The following EXT1 variants were observed in gnomAD, a reference collection of about 807,000 sequenced individuals.
The protein encoded by EXT1 is exostosin-1.
A neutral mutation model predicts 82.5 loss-of-function variants in EXT1; 20 were observed. That is an observed-to-expected ratio of 0.24 (90% CI 0.17 to 0.35). The LOEUF (loss-of-function observed/expected upper bound fraction) is 0.35, where lower values mean the gene tolerates loss of function less well. Among genes scored for constraint, EXT1 ranks in the 10% least tolerant of loss-of-function variants. The pLI is 1.00. For synonymous variants in EXT1, 348 were observed against 350.8 expected (o/e 0.99, Z 0.09); for missense variants, 757 against 936.5 (o/e 0.81, Z 2.50).
chr8:118,027,604 T>C (rs1195914755), intron 1 of EXT1, among the ~76,000 whole-genome samples: 2 of 152,210 alleles, frequency 1.3e-5, no homozygotes, highest in African/African-American at 2.4e-5. Context: ...CACACAAGCT[T>C]GTGCTAAGCT....
intron 1 of EXT1, among the ~76,000 whole-genome samples, chr8:117,902,519 C>G (rs529452879): frequency 6.6e-6 from 1 of 152,268 alleles, no homozygotes; most frequent in South Asian, 2.1e-4. Flanking sequence ...TTTCTCAGTT[C>G]CATTAAGATC....
Position 117,912,537 on chromosome 8 carries a change from G to A in EXT1, c.963-75336C>T, listed in dbSNP as rs184449915. The stretch of plus-strand genomic sequence containing the variant: ...AAACCATGGGCTTACAAGAGATCAA[G>A]CTGAGTCTGGGATGCAGGCTTCCTA... On this transcript the variant is annotated intron_variant, in intron 1 of 10. Transcript: ENST00000378204. Among the ~76,000 whole-genome samples, 22 of 152,280 alleles carry A rather than the reference G, an allele frequency of 1.4e-4. No homozygotes were observed. The East Asian group carries it at 4.2e-3, about 29-fold the overall frequency.
At chr8:117,817,588 G>A (rs913069781) in intron 7 of EXT1, among the ~76,000 whole-genome samples, 5 of 152,062 alleles carry the variant, frequency 3.3e-5, no homozygotes, top group African/African-American at 7.2e-5. Context: ...GCATGCAAAC[G>A]GGGGCTTAAA....
At chr8:117,904,268 C>A (rs566012835) in intron 1 of EXT1, among the ~76,000 whole-genome samples, 1 of 152,168 alleles carries the variant, frequency 6.6e-6, no homozygotes, top group Non-Finnish European at 1.5e-5. Flanking sequence ...AAAGCAGTTC[C>A]TATAACAAAC....
chr8:117,997,120 A>G (rs1234634233), intron 1 of EXT1, among the ~76,000 whole-genome samples: 3 of 151,936 alleles, frequency 2.0e-5, no homozygotes, highest in Non-Finnish European at 4.4e-5. Context: ...AAAATCCTCA[A>G]TTGCAATGAA....
intron 1 of EXT1, among the ~76,000 whole-genome samples, chr8:117,992,438 T>TA (rs142840509): frequency 0.05 from 2,643 of 52,994 alleles, 76 homozygotes; most frequent in Non-Finnish European, 0.055. Flanking sequence ...TTCAACTAGC[T>TA]AAAAAAAAAA....
In EXT1 at chr8:118,081,406, T is replaced by C. The variant is rs530798335; in HGVS notation, c.962+28679A>G. 6.2e-4 allele frequency among the ~76,000 whole-genome samples: 95 copies of C among 152,342 alleles called. 2 individuals carry two copies. The South Asian group carries it at 0.019, about 31-fold the overall frequency. ...TCTTTGTTTTAGCTCCAAGTAGATA[T>C]ACTATGCATAGATAACTGCTTCTAA... On this transcript the variant is annotated intron_variant, in intron 1 of 10. Coordinates refer to ENST00000378204, the MANE Select transcript of EXT1 (RefSeq NM_000127.3).
intron 1 of EXT1, among the ~76,000 whole-genome samples, chr8:118,070,611 C>A (rs1049337313): frequency 6.6e-6 from 1 of 152,078 alleles, no homozygotes; most frequent in African/African-American, 2.4e-5. Flanking sequence ...TGCAAATAAT[C>A]TTTTAAACTT....
chr8:117,881,322 T>C (rs143433408), intron 1 of EXT1, among the ~76,000 whole-genome samples: 2 of 152,288 alleles, frequency 1.3e-5, no homozygotes, highest in South Asian at 2.1e-4. Flanking sequence ...AAAAGAATAT[T>C]TGGGACTAGG....
intron 1 of EXT1, among the ~76,000 whole-genome samples, chr8:118,012,422 G>A (rs1465778816): frequency 6.6e-6 from 1 of 152,224 alleles, no homozygotes; most frequent in African/African-American, 2.4e-5. Flanking sequence ...AGCTTCCTAA[G>A]GCTAGATGGA....
intron 7 of EXT1, among the ~76,000 whole-genome samples, chr8:117,815,366 C>T (rs775581911): frequency 6.6e-6 from 1 of 152,180 alleles, no homozygotes; most frequent in African/African-American, 2.4e-5. Context: ...TCATCATCTG[C>T]CCAACCACAG....
At chr8:117,825,255 G>T (rs976524955) in intron 4 of EXT1, among the ~76,000 whole-genome samples, 4 of 152,208 alleles carry the variant, frequency 2.6e-5, no homozygotes, top group South Asian at 4.2e-4. Flanking sequence ...TTTCTAAAAG[G>T]TTTATATCAA....
intron 1 of EXT1, among the ~76,000 whole-genome samples, chr8:118,061,567 A>G (rs1816881798): frequency 6.6e-6 from 1 of 152,356 alleles, no homozygotes; most frequent in Non-Finnish European, 1.5e-5. Context: ...ATGTCCAAAC[A>G]TAAAAAGGTA....
chr8:118,093,099 G>A (rs1201624197), intron 1 of EXT1, among the ~76,000 whole-genome samples: 4 of 151,972 alleles, frequency 2.6e-5, no homozygotes, highest in Non-Finnish European at 4.4e-5. Context: ...CTCCAAGTCA[G>A]TGAACTAGAA....
chr8:117,816,772 A>C (rs1250728158), intron 7 of EXT1, among the ~76,000 whole-genome samples: 1 of 152,232 alleles, frequency 6.6e-6, no homozygotes, highest in African/African-American at 2.4e-5. Context: ...TACCTAAAGA[A>C]ATCAGAATGG....
intron 1 of EXT1, among the ~76,000 whole-genome samples, chr8:117,992,561 A>C (rs919448261): frequency 6.6e-6 from 1 of 152,088 alleles, no homozygotes; most frequent in African/African-American, 2.4e-5. Context: ...TCTTCTTAAC[A>C]AAGAAGAGTC....
rs35438767 is a variant in EXT1 at position 118,109,360 on chromosome 8, T to TAAA, written c.962+722_962+724dup. On this transcript the variant is annotated intron_variant, in intron 1 of 10. Coordinates refer to ENST00000378204, the MANE Select transcript of EXT1 (RefSeq NM_000127.3). ...AGACAGTGAGACTGAGGCCCACATT[T>TAAA]AAAAAAAAAAAAAAAGTTTATCCTA... Among the ~76,000 whole-genome samples the TAAA allele has an allele frequency of 2.6e-3, 367 of 138,572 alleles. 2 individuals carry two copies. The highest frequency in any genetic ancestry group is 0.011 in the South Asian group (48 of 4,270). The allele number at this position is 138,572 out of a possible 152,430, so 90.9% of individuals were successfully genotyped here.
At chr8:117,896,502 C>G (rs190836870) in intron 1 of EXT1, among the ~76,000 whole-genome samples, 4 of 152,250 alleles carry the variant, frequency 2.6e-5, no homozygotes, top group Admixed American at 2.6e-4. Flanking sequence ...TAAAAGGTAT[C>G]AGGGAATTAG....
chr8:117,813,001 G>A (rs2129720755), intron 7 of EXT1, 40 bp from the exon 8 acceptor site: 1 of 1,539,662 alleles, frequency 6.5e-7, no homozygotes, highest in Non-Finnish European at 8.9e-7. Flanking sequence ...AGGGAATGAG[G>A]GAAAGAGGTA....
Sources: gnomAD v4.1 joint callset for allele counts (sites outside exome capture counted in the v4.1 genomes callset) on GRCh38, gnomAD v4.1.1 for gene constraint, MANE v1.5 for transcripts, NCBI Gene and HGNC (gene_info 2026-07-23, HGNC 2026-07-21) for gene names.